The following RABEP1 variants were observed in gnomAD, a reference collection of about 807,000 sequenced individuals.
The protein encoded by RABEP1 is rab GTPase-binding effector protein 1.
Under a neutral mutation model 123.4 loss-of-function variants are expected in RABEP1, and 51 were observed. The ratio of observed to expected loss-of-function variants is 0.41; its 90% CI spans 0.33 to 0.52. RABEP1 has a LOEUF of 0.52. Ranked by LOEUF, RABEP1 falls within the 20% of genes least tolerant of loss-of-function variation. The probability of loss-of-function intolerance (pLI) is 0.16; values close to 1 mark genes in which losing one functional copy is unlikely to be tolerated. For synonymous variants in RABEP1, 347 were observed against 355.2 expected (o/e 0.98, Z 0.26); for missense variants, 888 against 996.3 (o/e 0.89, Z 1.46).
intron 2 of RABEP1, among the ~76,000 whole-genome samples, chr17:5,324,691 A>G: frequency 6.6e-6 from 1 of 152,348 alleles, no homozygotes; most frequent in East Asian, 1.9e-4. Context: ...AATAACTACA[A>G]TGTATGAAGA....
chr17:5,378,008 C>G (rs1170467266), intron 14 of RABEP1, among the ~76,000 whole-genome samples, 169 bp from the exon 15 acceptor site: 1 of 152,116 alleles, frequency 6.6e-6, no homozygotes, highest in East Asian at 1.9e-4. Context: ...TCCTGCTTTT[C>G]CCTGAGCCTA....
Position 5,386,055 on chromosome 17 carries a change from AATT to A in RABEP1, c.*2838_*2840del. 2 of 589,620 alleles carry A rather than the reference AATT, an allele frequency of 3.4e-6. No individual in the cohort carries two copies. Among genetic ancestry groups the A allele is most frequent in the East Asian group, 6.1e-5 (2 of 32,610 alleles). 36.5% of individuals were successfully genotyped at this position (589,620 alleles called of 1,614,324 possible). ...AAATTTTAAATAAAAGCATTTACTCAATTATTATAAAACAACATATTTAAAAAG... is the reference window on the plus strand; with the variant it reads ...AAATTTTAAATAAAAGCATTTACTCAATTATAAAACAACATATTTAAAAAG... On this transcript the variant is annotated 3_prime_UTR_variant, in exon 18 of 18. Transcript: ENST00000537505.
chr17:5,367,515 C>CTT (rs1910145414), intron 11 of RABEP1, among the ~76,000 whole-genome samples: 1 of 151,694 alleles, frequency 6.6e-6, no homozygotes, highest in Non-Finnish European at 1.5e-5. Context: ...GTGATCCATC[C>CTT]GCCTCGGCCT....
chr17:5,324,583 C>T (rs1035479681), intron 2 of RABEP1, among the ~76,000 whole-genome samples: 1 of 152,172 alleles, frequency 6.6e-6, no homozygotes, highest in Non-Finnish European at 1.5e-5. Context: ...GGGATTGCAT[C>T]AGGCTAAGAA....
chr17:5,335,134 A>ATT, intron 3 of RABEP1, 50 bp from the exon 4 acceptor site: 2 of 1,433,182 alleles, frequency 1.4e-6, no homozygotes, highest in Non-Finnish European at 1.9e-6. Flanking sequence ...GTGCCAGGTT[A>ATT]TTTTTTTTTC....
chr17:5,361,734 T>G, intron 9 of RABEP1, 59 bp downstream of exon 9: 2 of 1,414,144 alleles, frequency 1.4e-6, no homozygotes, highest in Non-Finnish European at 1.9e-6. Flanking sequence ...TGGGAAGCTC[T>G]GGGATTTAGC....
intron 12 of RABEP1, among the ~76,000 whole-genome samples, chr17:5,372,000 C>T (rs990898341): frequency 1.3e-5 from 2 of 152,040 alleles, no homozygotes; most frequent in South Asian, 4.1e-4. Context: ...GACTTTAGTA[C>T]TACAGATTAG....
rs543506274 is a variant in RABEP1, at chr17:5,372,316, G to A, written c.1885-998G>A. On this transcript the variant is annotated intron_variant, in intron 12 of 17. Coordinates refer to ENST00000537505, the MANE Select transcript of RABEP1 (RefSeq NM_004703.6). ...AAAAATGAGCTGGGCGTGGTGGTGC[G>A]TGCCTGTAGTCCCAGCTACTTGGGA... 3.9e-5 allele frequency among the ~76,000 whole-genome samples: 6 copies of A among 152,152 alleles called. No individual in the cohort carries two copies. The East Asian group carries it at 9.7e-4, about 25-fold the overall frequency.
intron 2 of RABEP1, among the ~76,000 whole-genome samples, chr17:5,314,165 A>G (rs1216264672): frequency 6.6e-6 from 1 of 151,370 alleles, no homozygotes; most frequent in Non-Finnish European, 1.5e-5. Context: ...CTGAAATATA[A>G]GTGCAAATGG....
chr17:5,322,652 C>G (rs1232182813), intron 2 of RABEP1, among the ~76,000 whole-genome samples: 2 of 152,090 alleles, frequency 1.3e-5, no homozygotes, highest in Non-Finnish European at 2.9e-5. Context: ...TACTAGCAAG[C>G]TGAATTCAAC....
At chr17:5,374,130 C>G (rs904671252) in intron 13 of RABEP1, among the ~76,000 whole-genome samples, 32 of 149,492 alleles carry the variant, frequency 2.1e-4, no homozygotes, top group African/African-American at 8.1e-4. Context: ...GCAATGGCAT[C>G]ATCTCTGCTC....
chr17:5,337,502 G>T (rs1223082148), intron 4 of RABEP1, among the ~76,000 whole-genome samples: 1 of 151,922 alleles, frequency 6.6e-6, no homozygotes, highest in Non-Finnish European at 1.5e-5. Flanking sequence ...TGGCTAACAC[G>T]ATGAAACCCT....
intron 8 of RABEP1, among the ~76,000 whole-genome samples, chr17:5,357,845 G>A (rs1909163349): frequency 6.6e-6 from 1 of 152,192 alleles, no homozygotes; most frequent in African/African-American, 2.4e-5. Context: ...AGGAGCGAGA[G>A]AAAAGCATGG....
chr17:5,296,902 G>A (rs761544859), intron 1 of RABEP1, among the ~76,000 whole-genome samples: 3 of 152,008 alleles, frequency 2.0e-5, no homozygotes, highest in Non-Finnish European at 4.4e-5. Flanking sequence ...ACCACATCTG[G>A]CTAATTTTTT....
At chr17:5,334,954 T>G (rs1906922218) in intron 3 of RABEP1, among the ~76,000 whole-genome samples, 2 of 152,142 alleles carry the variant, frequency 1.3e-5, no homozygotes, top group South Asian at 4.1e-4. Flanking sequence ...GTTTTCTCCT[T>G]CGTAAAATAA....
Position 5,385,491 on chromosome 17 carries a change from C to A in RABEP1, c.*2268C>A, listed in dbSNP as rs148871718. The A allele has an allele frequency of 9.7e-4, 224 of 230,598 alleles. No individual in the cohort carries two copies. The highest frequency in any genetic ancestry group is 4.1e-3 in the African/African-American group (187 of 45,290). The allele number at this position is 230,598 out of a possible 1,614,324, so 14.3% of individuals were successfully genotyped here. ...ATATAGTAGTACCTTTCAGAACTCACATTGGCAAGTGTAAAAAGATGACTT... is the reference window on the plus strand; with the variant it reads ...ATATAGTAGTACCTTTCAGAACTCAAATTGGCAAGTGTAAAAAGATGACTT... On this transcript the variant is annotated 3_prime_UTR_variant, in exon 18 of 18. Coordinates refer to ENST00000537505, the MANE Select transcript of RABEP1 (RefSeq NM_004703.6).
intron 5 of RABEP1, among the ~76,000 whole-genome samples, chr17:5,345,272 C>T (rs1283373759): frequency 6.6e-6 from 1 of 152,152 alleles, no homozygotes; most frequent in Non-Finnish European, 1.5e-5. Context: ...TGTATTTTCT[C>T]CTGCATAGAT....
intron 4 of RABEP1, 143 bp from the exon 5 acceptor site, chr17:5,337,876 G>C: frequency 1.3e-6 from 1 of 746,962 alleles, no homozygotes; most frequent in Non-Finnish European, 1.9e-6. Context: ...TTGAAAGTTA[G>C]ACATTAGTTC....
At chr17:5,302,007 ACT>A (rs141981970) in intron 1 of RABEP1, among the ~76,000 whole-genome samples, 1,910 of 151,986 alleles carry the variant, frequency 0.013, 39 homozygotes, top group African/African-American at 0.043. Context: ...TTTCTATTAG[ACT>A]CTATGCTGGT....
Sources: gnomAD v4.1 joint callset for allele counts (sites outside exome capture counted in the v4.1 genomes callset) on GRCh38, gnomAD v4.1.1 for gene constraint, MANE v1.5 for transcripts, NCBI Gene and HGNC (gene_info 2026-07-23, HGNC 2026-07-21) for gene names.